MIPOL1: variants seen among roughly 807,000 people sequenced by gnomAD.
MIPOL1 encodes mirror-image polydactyly 1.
In MIPOL1, 57 loss-of-function variants were observed where a neutral mutation model predicts 60.9. That is an observed-to-expected ratio of 0.94 (90% CI 0.76 to 1.17). MIPOL1 has a LOEUF of 1.17. Among genes scored for constraint, MIPOL1 ranks in the 50% most tolerant of loss-of-function variants. MIPOL1 has a pLI of 0.00. For missense variants in MIPOL1, 551 were observed against 511.6 expected (o/e 1.08, Z -0.74); for synonymous variants, 179 against 168.8 (o/e 1.06, Z -0.47).
At chr14:37,434,363 C>T (rs772179862) in intron 11 of MIPOL1, 8 of 152,080 alleles carry the variant, frequency 5.3e-5, no homozygotes, top group Non-Finnish European at 1.0e-4. Flanking sequence ...ATCCTTCGCT[C>T]ATTTTTTGAT....
chr14:37,251,477 T>G (rs1051231850), intron 3 of MIPOL1, among the ~76,000 whole-genome samples: 1 of 152,056 alleles, frequency 6.6e-6, no homozygotes, highest in African/African-American at 2.4e-5. Flanking sequence ...AAAAATGTGT[T>G]ACCATCTTCA....
At chr14:37,227,357 A>G (rs1969917408) in intron 1 of MIPOL1, among the ~76,000 whole-genome samples, 1 of 152,116 alleles carries the variant, frequency 6.6e-6, no homozygotes, top group Admixed American at 6.6e-5. Context: ...AATTTTTTTA[A>G]GTGTAGTTAA....
intron 1 of MIPOL1, among the ~76,000 whole-genome samples, chr14:37,199,951 A>G (rs1403678418): frequency 6.6e-6 from 1 of 152,212 alleles, no homozygotes; most frequent in Non-Finnish European, 1.5e-5. Flanking sequence ...CTTCAGTGGC[A>G]GCTTGAGAAT....
At chr14:37,411,763 G>C (rs1273827832) in intron 10 of MIPOL1, among the ~76,000 whole-genome samples, 1 of 151,924 alleles carries the variant, frequency 6.6e-6, no homozygotes, top group African/African-American at 2.4e-5. Flanking sequence ...TTTATTTTAT[G>C]GTCCTAGTCT....
chr14:37,267,355 G>A lies in MIPOL1; in HGVS notation c.251+186G>A, dbSNP rs141351986. ...ATACAAAAATCAGCCAGGTGTGGTG[G>A]CACATGCCTGTAATCCCAGCTACTC... On this transcript the variant is annotated intron_variant, in intron 4 of 12. Transcript: ENST00000684589. Among the ~76,000 whole-genome samples the A allele has an allele frequency of 1.1e-3, 161 of 152,206 alleles. 1 individual carries two copies. In the East Asian group the frequency reaches 0.027, roughly 25 times the overall value.
chr14:37,202,853 T>C (rs1200671563), intron 1 of MIPOL1, among the ~76,000 whole-genome samples: 1 of 152,202 alleles, frequency 6.6e-6, no homozygotes, highest in African/African-American at 2.4e-5. Context: ...AGATACTTTA[T>C]TTAGGTTACA....
chr14:37,268,601 A>C, intron 4 of MIPOL1, 57 bp from the exon 5 acceptor site: 2 of 1,372,038 alleles, frequency 1.5e-6, no homozygotes, highest in Non-Finnish European at 2.0e-6. Flanking sequence ...TAGCATACAA[A>C]ATGTCAAAAA....
At chr14:37,309,836 G>T (rs867285605) in intron 9 of MIPOL1, among the ~76,000 whole-genome samples, 1 of 151,784 alleles carries the variant, frequency 6.6e-6, no homozygotes, top group Non-Finnish European at 1.5e-5. Flanking sequence ...ACAGGTGTGC[G>T]CCACCAAGCC....
Position 37,254,418 on chromosome 14 carries a change from G to A in MIPOL1, c.19+6511G>A, listed in dbSNP as rs146652880. On this transcript the variant is annotated intron_variant, in intron 3 of 12. Coordinates refer to ENST00000684589, the MANE Select transcript of MIPOL1 (RefSeq NM_001388067.1). ...TAATATGAATAGTTCATGTTGGTGA[G>A]TTTATGCCACAAATTATTTTTTAAA... Among the ~76,000 whole-genome samples the A allele has an allele frequency of 3.0e-3, 462 of 151,862 alleles. 3 individuals are homozygous for A. The highest frequency in any genetic ancestry group is 9.6e-3 in the African/African-American group (397 of 41,520).
At chr14:37,528,277 A>G (rs963851139) in intron 12 of MIPOL1, among the ~76,000 whole-genome samples, 7 of 152,054 alleles carry the variant, frequency 4.6e-5, no homozygotes, top group Admixed American at 6.6e-5. Flanking sequence ...GTTATTATAT[A>G]TAATCTTTTA....
intron 7 of MIPOL1, among the ~76,000 whole-genome samples, chr14:37,288,090 A>G (rs376536980): frequency 1.9e-4 from 29 of 152,286 alleles, no homozygotes; most frequent in South Asian, 1.5e-3. Context: ...GTTGCCCTGA[A>G]ATACACTTCT....
chr14:37,241,558 G>A (rs994017076), intron 1 of MIPOL1, among the ~76,000 whole-genome samples: 1 of 149,316 alleles, frequency 6.7e-6, no homozygotes, highest in Non-Finnish European at 1.5e-5. Context: ...TCTCTATTAC[G>A]GGTGCGGCAG....
intron 10 of MIPOL1, among the ~76,000 whole-genome samples, chr14:37,422,221 G>A (rs1345407795): frequency 1.3e-5 from 2 of 151,848 alleles, no homozygotes; most frequent in Non-Finnish European, 2.9e-5. Context: ...AAAAATTATA[G>A]CAGGAAGGAA....
intron 12 of MIPOL1, among the ~76,000 whole-genome samples, chr14:37,534,994 C>G (rs1215097413): frequency 6.6e-6 from 1 of 151,984 alleles, no homozygotes; most frequent in Non-Finnish European, 1.5e-5. Flanking sequence ...AAATCCAAAA[C>G]TTGAAATAAA....
chr14:37,207,966 C>T (rs766692730), intron 1 of MIPOL1, among the ~76,000 whole-genome samples: 10 of 152,202 alleles, frequency 6.6e-5, no homozygotes, highest in South Asian at 2.1e-4. Context: ...AAGCTGGCAA[C>T]GTAAAGAAAT....
chr14:37,351,857 G>A (rs2091418054), intron 9 of MIPOL1, among the ~76,000 whole-genome samples: 1 of 150,464 alleles, frequency 6.6e-6, no homozygotes, highest in African/African-American at 2.4e-5. Flanking sequence ...CATTTTGTAG[G>A]TTGCCTGTTC....
chr14:37,212,643 C>T (rs1966883117), intron 1 of MIPOL1, among the ~76,000 whole-genome samples: 1 of 152,160 alleles, frequency 6.6e-6, no homozygotes, highest in South Asian at 2.1e-4. Flanking sequence ...TGGGGGACCT[C>T]ACCACCCTGA....
intron 12 of MIPOL1, among the ~76,000 whole-genome samples, chr14:37,528,781 G>A (rs997260865): frequency 6.6e-6 from 1 of 152,002 alleles, no homozygotes; most frequent in Non-Finnish European, 1.5e-5. Context: ...CAAAAACACT[G>A]GTACCTAATA....
chr14:37,422,984 T>C (rs372443223), intron 11 of MIPOL1, 35 bp downstream of exon 11: 4 of 1,322,184 alleles, frequency 3.0e-6, no homozygotes, highest in Non-Finnish European at 4.3e-6. Context: ...TAAGTAAATA[T>C]TGTTAGTTTG....
Sources: allele counts gnomAD v4.1 joint callset (sites outside exome capture counted in the v4.1 genomes callset), GRCh38; gene constraint gnomAD v4.1.1; transcripts MANE v1.5; gene names NCBI Gene and HGNC (gene_info 2026-07-23, HGNC 2026-07-21).